MAML3: variants seen among roughly 807,000 people sequenced by gnomAD.
MAML3 encodes mastermind like transcriptional coactivator 3.
In MAML3, 27 loss-of-function variants were observed where a neutral mutation model predicts 101.9. That is an observed-to-expected ratio of 0.27 (90% CI 0.20 to 0.37). The LOEUF (loss-of-function observed/expected upper bound fraction) is 0.37. Ranked by LOEUF, MAML3 falls within the 10% of genes least tolerant of loss-of-function variation. The pLI is 1.00. For missense variants in MAML3, 1,316 were observed against 1,444.9 expected (o/e 0.91, Z 1.45); for synonymous variants, 501 against 555.9 (o/e 0.90, Z 1.39).
intron 1 of MAML3, among the ~76,000 whole-genome samples, chr4:139,969,783 C>T (rs1734202341): frequency 6.6e-6 from 1 of 152,164 alleles, no homozygotes; most frequent in Non-Finnish European, 1.5e-5. Context: ...TATCTATCTC[C>T]TCAACCTCGC....
At chr4:140,093,951 A>G (rs1212807461) in intron 1 of MAML3, among the ~76,000 whole-genome samples, 4 of 152,106 alleles carry the variant, frequency 2.6e-5, no homozygotes, top group Non-Finnish European at 5.9e-5. Flanking sequence ...CTGACATTCC[A>G]TCCTTTGGAG....
At position 139,873,703 on chromosome 4, in the gene MAML3, C is replaced by T. The variant is rs994660641; in HGVS notation, c.2079+15654G>A. On this transcript the variant is annotated intron_variant, in intron 2 of 4. Transcript: ENST00000509479. ...AGGTCCATGTGGTGAGGAACTGAGG[C>T]CTCCAGTCAGCAGCCATGGGAGGGA... Among the ~76,000 whole-genome samples the T allele has an allele frequency of 3.3e-5, 5 of 152,120 alleles. No homozygotes were observed. In the East Asian group the frequency reaches 9.6e-4, roughly 29 times the overall value.
intron 1 of MAML3, among the ~76,000 whole-genome samples, chr4:139,932,322 T>A (rs1479081143): frequency 6.6e-6 from 1 of 152,146 alleles, no homozygotes; most frequent in Non-Finnish European, 1.5e-5. Flanking sequence ...GATGTAATCA[T>A]GTGGGGAAAA....
chr4:139,719,657 C>A lies in MAML3; in HGVS notation c.3083G>T (p.Arg1028Leu). Residue 1028 changes from arginine to leucine, a missense_variant, in exon 5 of 5, where the codon CGG becomes CTG. By Grantham distance (102) the Arg-to-Leu change is moderately radical. Coordinates refer to ENST00000509479, the MANE Select transcript of MAML3 (RefSeq NM_018717.5). ...VRTLNPAAMG[R>L]QMMPSLPGQQ... ...CCCCGGGAGCGATGGCATCATCTGC[C>A]GACCCATGGCAGCTGGGTTGAGGGT... 6.2e-7 allele frequency: 1 copy of A among 1,612,882 alleles called. No homozygotes were observed. Among genetic ancestry groups the A allele is most frequent in the South Asian group, 1.1e-5 (1 of 90,862 alleles).
intron 1 of MAML3, among the ~76,000 whole-genome samples, chr4:139,945,177 A>T (rs1339806592): frequency 1.3e-5 from 2 of 152,196 alleles, no homozygotes; most frequent in African/African-American, 4.8e-5. Context: ...CTCCTTATTT[A>T]CTTGGGCTAT....
intron 3 of MAML3, among the ~76,000 whole-genome samples, chr4:139,727,009 C>A (rs1157309982): frequency 6.6e-6 from 1 of 152,178 alleles, no homozygotes; most frequent in Non-Finnish European, 1.5e-5. Flanking sequence ...TCTGCAAGGG[C>A]TATAAAGAAT....
At chr4:139,721,433 G>A (rs1376745851) in intron 4 of MAML3, among the ~76,000 whole-genome samples, 1 of 152,192 alleles carries the variant, frequency 6.6e-6, no homozygotes, top group Non-Finnish European at 1.5e-5. Context: ...TTTAAAGAAG[G>A]TGCAGCATGG....
chr4:139,998,829 CT>C (rs1223506359), intron 1 of MAML3, among the ~76,000 whole-genome samples: 1 of 151,894 alleles, frequency 6.6e-6, no homozygotes, highest in Non-Finnish European at 1.5e-5. Context: ...TCTTCTCAGC[CT>C]TTAAAAAAAA....
chr4:140,076,786 T>G (rs186595971), intron 1 of MAML3, among the ~76,000 whole-genome samples: 33 of 152,352 alleles, frequency 2.2e-4, no homozygotes, highest in African/African-American at 7.7e-4. Flanking sequence ...TGCCATTTCC[T>G]GACTGGTGCA....
At chr4:140,113,634 G>T (rs1294950883) in intron 1 of MAML3, among the ~76,000 whole-genome samples, 1 of 152,168 alleles carries the variant, frequency 6.6e-6, no homozygotes, top group African/African-American at 2.4e-5. Flanking sequence ...CATAAAACAG[G>T]AAAGCAACCA....
At chr4:139,757,376 G>A (rs1431141024) in intron 2 of MAML3, among the ~76,000 whole-genome samples, 1 of 152,210 alleles carries the variant, frequency 6.6e-6, no homozygotes, top group African/African-American at 2.4e-5. Flanking sequence ...CTGGCCAGGT[G>A]TGGTGGCTCA....
At chr4:139,733,570 A>C (rs1167292953) in intron 2 of MAML3, among the ~76,000 whole-genome samples, 1 of 152,070 alleles carries the variant, frequency 6.6e-6, no homozygotes, top group Non-Finnish European at 1.5e-5. Flanking sequence ...AAAAAAAAAA[A>C]AAAAACCCTC....
Position 140,069,324 on chromosome 4 carries a change from AAGAAGGAGAAGG to A in MAML3, c.468+83524_468+83535del, listed in dbSNP as rs758333245. ...GTGACACAGCAAGACTCTGTCCAAGAAGAAGGAGAAGGAGAAGGAGAAGGAGAAGGAGAAGGA... is the reference window on the plus strand; with the variant it reads ...GTGACACAGCAAGACTCTGTCCAAGAAGAAGGAGAAGGAGAAGGAGAAGGA... On this transcript the variant is annotated intron_variant, in intron 1 of 4. Transcript: ENST00000509479. Among the ~76,000 whole-genome samples, 926 of 110,432 alleles carry A rather than the reference AAGAAGGAGAAGG, an allele frequency of 8.4e-3. 17 individuals carry two copies. Among genetic ancestry groups the A allele is most frequent in the African/African-American group, 0.02 (621 of 31,364 alleles). 72.4% of individuals were successfully genotyped at this position (110,432 alleles called of 152,430 possible).
intron 2 of MAML3, among the ~76,000 whole-genome samples, chr4:139,746,047 C>T (rs1191566614): frequency 6.6e-6 from 1 of 152,104 alleles, no homozygotes; most frequent in African/African-American, 2.4e-5. Flanking sequence ...TCTATGGTGG[C>T]CCAATTAAAG....
At chr4:139,992,836 C>A (rs993006788) in intron 1 of MAML3, among the ~76,000 whole-genome samples, 1 of 152,156 alleles carries the variant, frequency 6.6e-6, no homozygotes, top group African/African-American at 2.4e-5. Flanking sequence ...GGATTACAGG[C>A]GTGAGCCACC....
rs1307699470 is a variant in MAML3, at chr4:140,153,011, T to C, written c.317A>G (p.Glu106Gly). The C allele has an allele frequency of 1.9e-6, 3 of 1,602,934 alleles. No individual in the cohort carries two copies. In the South Asian group the frequency reaches 3.3e-5, roughly 18 times the overall value. ...GTAGAGGCTCACGGTGTCCCGGCGC[T>C]CCAGCTCCAGCTGCTCCACCTGAGC... is the stretch of plus-strand genomic sequence containing the variant. Reference protein sequence around the residue: ...QQAQVEQLELERRDTVSLYQR... With the variant: ...QQAQVEQLELGRRDTVSLYQR... Residue 106 changes from glutamate (E) to glycine (G), a missense_variant, in exon 1 of 5, where the codon GAG becomes GGG. Coordinates refer to ENST00000509479, the MANE Select transcript of MAML3 (RefSeq NM_018717.5).
chr4:139,864,939 T>TTTG (rs1560818220), intron 2 of MAML3, among the ~76,000 whole-genome samples: 9 of 143,862 alleles, frequency 6.3e-5, no homozygotes, highest in Non-Finnish European at 9.1e-5. Context: ...TTTTTTTTTT[T>TTTG]TTTTTTTTTT....
chr4:140,106,521 T>C (rs978391710), intron 1 of MAML3, among the ~76,000 whole-genome samples: 2 of 152,206 alleles, frequency 1.3e-5, no homozygotes, highest in African/African-American at 4.8e-5. Context: ...GAATCTTCCT[T>C]ATGCAACTGT....
intron 2 of MAML3, among the ~76,000 whole-genome samples, chr4:139,790,462 G>C (rs1163533051): frequency 2.0e-5 from 3 of 151,190 alleles, no homozygotes; most frequent in African/African-American, 7.3e-5. Context: ...GTATATTCAC[G>C]ATGTTGCGCA....
Sources: allele counts gnomAD v4.1 joint callset (sites outside exome capture counted in the v4.1 genomes callset), GRCh38; gene constraint gnomAD v4.1.1; transcripts MANE v1.5; gene names NCBI Gene and HGNC (gene_info 2026-07-23, HGNC 2026-07-21).